RADIL: variants seen among roughly 807,000 people sequenced by gnomAD.
The protein encoded by RADIL is ras-associating and dilute domain-containing protein.
RADIL carries 99 observed loss-of-function variants against 97.6 expected under a neutral mutation model. The observed-to-expected ratio is 1.01, with a 90% CI of 0.86 to 1.20. The LOEUF is 1.20. RADIL is among the 50% of genes most tolerant of loss of function. The pLI, the probability that RADIL is intolerant of heterozygous loss-of-function variation, is 0.00. For synonymous variants in RADIL, 803 were observed against 691.8 expected, an observed-to-expected ratio of 1.16 and a Z score of -2.52; for missense variants, 1,765 against 1,498.9, an observed-to-expected ratio of 1.18 and a Z score of -2.93.
chr7:4,855,620 TAAAAAAA>T (rs760588803), intron 2 of RADIL, among the ~76,000 whole-genome samples: 6,157 of 88,102 alleles, frequency 0.07, 265 homozygotes, highest in African/African-American at 0.14. Context: ...TTTATTTTTG[TAAAAAAA>T]AAAAAAAAAA....
At chr7:4,851,152 C>T (rs1047687329) in intron 2 of RADIL, among the ~76,000 whole-genome samples, 1 of 151,458 alleles carries the variant, frequency 6.6e-6, no homozygotes, top group Non-Finnish European at 1.5e-5. Flanking sequence ...TTGCAGTGAG[C>T]CGAGCTCATG....
intron 2 of RADIL, among the ~76,000 whole-genome samples, chr7:4,851,189 C>T (rs1316552411): frequency 7.1e-6 from 1 of 141,014 alleles, no homozygotes; most frequent in Admixed American, 7.1e-5. Flanking sequence ...AAGAGCAAAA[C>T]TCCGTCTCAA....
intron 6 of RADIL, among the ~76,000 whole-genome samples, chr7:4,820,314 A>G (rs976839450): frequency 6.6e-6 from 1 of 152,222 alleles, no homozygotes; most frequent in South Asian, 2.1e-4. Flanking sequence ...CCGGGAGCCC[A>G]GGAGCCCCAG....
Position 4,835,083 on chromosome 7 carries a change from T to A in RADIL, c.940A>T (p.Arg314Trp), listed in dbSNP as rs771137906. 5 of 1,607,564 alleles carry A rather than the reference T, an allele frequency of 3.1e-6. No homozygotes were observed. The highest frequency in any genetic ancestry group is 4.2e-6 in the Non-Finnish European group (5 of 1,177,474). ...PLPDSGQAAG[R>W]LVLEPIPGAH... ...CCGGGGATGGGCTCCAGGACCAGCC[T>A]CCCCGCGGCCTGGCCGCTGTCCGGG... The change falls in exon 4 of 15, where the codon AGG (arginine) becomes TGG (tryptophan). Residue 314 changes from arginine (R) to tryptophan (W), a missense_variant. By Grantham distance (101) the Arg-to-Trp change is moderately radical. Coordinates refer to ENST00000399583, the MANE Select transcript of RADIL (RefSeq NM_018059.5). This position sits in a 1 kb window ranked among gnomAD's most constrained non-coding sequence, Gnocchi z 5.8.
At chr7:4,809,700 A>G (rs1014348018) in intron 9 of RADIL, 3 of 916,542 alleles carry the variant, frequency 3.3e-6, no homozygotes, top group Non-Finnish European at 3.9e-6. Flanking sequence ...TGATTTATTT[A>G]GAGACGGGGT....
intron 1 of RADIL, chr7:4,882,189 G>A (rs1419703591): frequency 6.6e-6 from 1 of 152,262 alleles, no homozygotes; most frequent in African/African-American, 2.4e-5. Context: ...GTGCCCACTT[G>A]TTCACACGCT....
intron 2 of RADIL, among the ~76,000 whole-genome samples, chr7:4,868,848 T>C (rs1345501740): frequency 1.3e-5 from 2 of 152,178 alleles, no homozygotes; most frequent in African/African-American, 4.8e-5. Context: ...AAAAACAGGC[T>C]GGGCACAGTG....
intron 5 of RADIL, 85 bp downstream of exon 5, chr7:4,832,056 C>T (rs931986694): frequency 2.1e-6 from 3 of 1,451,954 alleles, no homozygotes; most frequent in Non-Finnish European, 2.9e-6. Context: ...CGTGGGGAGA[C>T]CCCTCGGGAC....
At position 4,822,053 on chromosome 7, in the gene RADIL, T is replaced by C. The variant is rs1782847917; in HGVS notation, c.1615+341A>G. On this transcript the variant is annotated intron_variant, in intron 6 of 14. Transcript: ENST00000399583. This position sits in a 1 kb window ranked among gnomAD's most constrained non-coding sequence, Gnocchi z 5.3. ...TTTGGTTCACGGTGGCATCTGTGTC[T>C]CCCCTACTGAGTGATCTGTGTACCC... is the stretch of plus-strand genomic sequence containing the variant. 1.3e-5 allele frequency among the ~76,000 whole-genome samples: 2 copies of C among 151,866 alleles called. No homozygotes were observed. Among genetic ancestry groups the C allele is most frequent in the African/African-American group, 2.4e-5 (1 of 41,344 alleles).
In RADIL at chr7:4,799,739, T is replaced by C; in HGVS notation, c.3013A>G (p.Ile1005Val). 6.4e-7 allele frequency: 1 copy of C among 1,555,864 alleles called. No individual in the cohort carries two copies. The highest frequency in any genetic ancestry group is 8.7e-7 in the Non-Finnish European group (1 of 1,154,878). ...GGGCTGCCCGGGAGCAGGGTCTGGA[T>C]GTAGAGCCCGGGGGCGCCCAGGTGC... ...HTHLGAPGLY[I>V]QTLLPGSPAA... Residue 1005 changes from isoleucine (I) to valine (V), a missense_variant, in exon 14 of 15, where the codon ATC becomes GTC. Physicochemically the swap from Ile to Val is conservative, Grantham distance 29. Coordinates refer to ENST00000399583, the MANE Select transcript of RADIL (RefSeq NM_018059.5).
rs1157785224 is a variant in RADIL at position 4,816,372 on chromosome 7, C to G, written c.1822G>C (p.Glu608Gln). 6.2e-7 allele frequency: 1 copy of G among 1,610,648 alleles called. No individual in the cohort carries two copies. The highest frequency in any genetic ancestry group is 2.2e-5 in the East Asian group (1 of 44,818). The change falls in exon 8 of 15, where the codon GAG (glutamate) becomes CAG (glutamine). Residue 608 changes from glutamate to glutamine, a missense_variant. By Grantham distance (29) the Glu-to-Gln change is conservative. Transcript: ENST00000399583. ...SWSSAPELPEELRRVVSVYQA... is the reference protein window; with the variant it reads ...SWSSAPELPEQLRRVVSVYQA... ...TACACAGACACCACGCGGCGCAGCTCCTCGGGCAGTTCGGGGGCCGAGGAC... is the reference window on the plus strand; with the variant it reads ...TACACAGACACCACGCGGCGCAGCTGCTCGGGCAGTTCGGGGGCCGAGGAC...
In RADIL at chr7:4,883,510, GCC is replaced by G. The variant is rs1163373645; in HGVS notation, c.-65+84_-65+85del. ...CCCGAGCGCGCCCCGCGGCCTCCGCGCCCCAGGTCCCCGGCAGCGGCCGAGCA... is the reference window on the plus strand; with the variant it reads ...CCCGAGCGCGCCCCGCGGCCTCCGCGCCAGGTCCCCGGCAGCGGCCGAGCA... On this transcript the variant is annotated intron_variant, in intron 1 of 14. Coordinates refer to ENST00000399583, the MANE Select transcript of RADIL (RefSeq NM_018059.5). This position sits in a 1 kb window ranked among gnomAD's most constrained non-coding sequence, Gnocchi z 7.1. 6.6e-6 allele frequency: 1 copy of G among 152,494 alleles called. No individual in the cohort carries two copies. Among genetic ancestry groups the G allele is most frequent in the East Asian group, 1.9e-4 (1 of 5,186 alleles). The allele number at this position is 152,494 out of a possible 1,614,324, so 9.4% of individuals were successfully genotyped here.
At chr7:4,855,408 G>A (rs1439875460) in intron 2 of RADIL, among the ~76,000 whole-genome samples, 4 of 152,028 alleles carry the variant, frequency 2.6e-5, no homozygotes, top group African/African-American at 9.7e-5. Context: ...GTAAGATGAA[G>A]TACATCAGTG....
At position 4,800,304 on chromosome 7, in the gene RADIL, G is replaced by C; in HGVS notation, c.2849C>G (p.Ser950Cys). The C allele has an allele frequency of 1.4e-6, 2 of 1,470,204 alleles. No homozygotes were observed. Among genetic ancestry groups the C allele is most frequent in the Non-Finnish European group, 1.8e-6 (2 of 1,111,650 alleles). The allele number at this position is 1,470,204 out of a possible 1,614,324, so 91.1% of individuals were successfully genotyped here. ...GLRGAAPEGD[S>C]AALAEESPPA... is the part of the protein sequence containing the mutation. Reference sequence around the variant, plus strand: ...AGGGGACTCCTCCGCAAGGGCTGCAGAGTCTCCTGGGTGGGGGCCAGGAAA... The same window carrying C: ...AGGGGACTCCTCCGCAAGGGCTGCACAGTCTCCTGGGTGGGGGCCAGGAAA... The change falls in exon 13 of 15, where the codon TCT becomes TGT. Residue 950 changes from serine to cysteine, a missense_variant. Coordinates refer to ENST00000399583, the MANE Select transcript of RADIL (RefSeq NM_018059.5).
At chr7:4,876,226 C>A (rs187606013) in intron 2 of RADIL, among the ~76,000 whole-genome samples, 1 of 152,140 alleles carries the variant, frequency 6.6e-6, no homozygotes, top group African/African-American at 2.4e-5. Flanking sequence ...TAGGCTCAAG[C>A]GATCCTCCTA....
At position 4,805,399 on chromosome 7, in the gene RADIL, T is replaced by C. The variant is rs548129348; in HGVS notation, c.2290+167A>G. ...GGTCCCCGGATCCCCAGGTTGGGGA[T>C]GGGGCGGGGCGGGGGGGTCCTCTGG... On this transcript the variant is annotated intron_variant, in intron 10 of 14. Coordinates refer to ENST00000399583, the MANE Select transcript of RADIL (RefSeq NM_018059.5). 117 of 743,396 alleles carry C rather than the reference T, an allele frequency of 1.6e-4. No homozygotes were observed. The East Asian group carries it at 2.8e-3, about 18-fold the overall frequency. 46.0% of individuals were successfully genotyped at this position (743,396 alleles called of 1,614,324 possible).
intron 2 of RADIL, chr7:4,865,614 C>G: frequency 1.2e-6 from 1 of 823,786 alleles, no homozygotes; most frequent in Non-Finnish European, 2.2e-6. Flanking sequence ...TTGCTCCTTT[C>G]GATGGTCACC....
chr7:4,870,815 T>C (rs1784235661), intron 2 of RADIL, among the ~76,000 whole-genome samples: 2 of 152,194 alleles, frequency 1.3e-5, no homozygotes. Flanking sequence ...TGCTAAACTC[T>C]GTCAGTGGCC....
chr7:4,816,596 G>T, intron 7 of RADIL, 131 bp from the exon 8 acceptor site: 1 of 712,330 alleles, frequency 1.4e-6, no homozygotes. Context: ...CTTCCTGCTG[G>T]ACAGGCCATG....
Sources: allele counts gnomAD v4.1 joint callset (sites outside exome capture counted in the v4.1 genomes callset), GRCh38; gene constraint gnomAD v4.1.1; non-coding constraint Gnocchi (gnomAD v3.1); transcripts MANE v1.5; gene names NCBI Gene and HGNC (gene_info 2026-07-23, HGNC 2026-07-21).